The following CLCN4 variants were observed in gnomAD, a reference collection of about 807,000 sequenced individuals.
CLCN4 encodes H(+)/Cl(-) exchange transporter 4.
In CLCN4, 1 loss-of-function variant was observed where a neutral mutation model predicts 41.7. The observed-to-expected ratio is 0.02, with a 90% CI of 0.01 to 0.11. The LOEUF is 0.11. Among genes scored for constraint, CLCN4 ranks in the 10% least tolerant of loss-of-function variants. The pLI, the probability that CLCN4 is intolerant of heterozygous loss-of-function variation, is 1.00. For missense variants in CLCN4, 287 were observed against 661.0 expected (o/e 0.43, Z 6.20); for synonymous variants, 277 against 285.8 (o/e 0.97, Z 0.31).
chrX:10,206,442 G>T lies in CLCN4; in HGVS notation c.640G>T (p.Val214Leu), dbSNP rs780585105. The stretch of plus-strand genomic sequence containing the variant: ...AATCAAGACAGTCACGCTGGTGCTG[G>T]TAGTGTCCTCCGGTCTGAGCCTTGG... ...LLIKTVTLVLVVSSGLSLGKE... is the reference protein window; with the variant it reads ...LLIKTVTLVLLVSSGLSLGKE... Residue 214 changes from valine (V) to leucine (L), a missense_variant, in exon 7 of 13, where the codon GTA becomes TTA. Physicochemically the swap from Val to Leu is conservative, Grantham distance 32. This residue lies in a region of CLCN4 where 90 missense variants were observed against 209.8 expected (regional missense o/e 0.43). Transcript: ENST00000380833. The T allele has an allele frequency of 8.3e-7, 1 of 1,210,446 alleles. No homozygotes were observed. The highest frequency in any genetic ancestry group is 1.1e-6 in the Non-Finnish European group (1 of 894,822).
chrX:10,214,820 C>A (rs760923398), intron 11 of CLCN4, among the ~76,000 whole-genome samples: 7 of 111,411 alleles, frequency 6.3e-5, no homozygotes, highest in Admixed American at 5.7e-4. Context: ...CCCCATCAGC[C>A]GAGGGATGGC....
At chrX:10,163,169 T>A (rs1923151396) in intron 2 of CLCN4, among the ~76,000 whole-genome samples, 1 of 112,810 alleles carries the variant, frequency 8.9e-6, no homozygotes, top group Admixed American at 9.3e-5. Context: ...CTTACCTGCC[T>A]CCTCTCCACC....
intron 3 of CLCN4, among the ~76,000 whole-genome samples, chrX:10,186,130 G>A (rs756790216): frequency 1.8e-5 from 2 of 111,226 alleles, no homozygotes; most frequent in Non-Finnish European, 3.8e-5. Context: ...GGAAGCAAGG[G>A]GGGACTGGCA....
At chrX:10,179,818 A>G (rs769397662) in intron 2 of CLCN4, among the ~76,000 whole-genome samples, 3 of 112,589 alleles carry the variant, frequency 2.7e-5, no homozygotes, top group Non-Finnish European at 5.6e-5. Context: ...TCTTCACAGC[A>G]CCCTGAGGCA....
intron 12 of CLCN4, among the ~76,000 whole-genome samples, chrX:10,232,316 C>T (rs1234363170): frequency 8.9e-6 from 1 of 112,471 alleles, no homozygotes; most frequent in African/African-American, 3.2e-5. Context: ...ATACTTACAT[C>T]CCTTCTTCAT....
chrX:10,215,447 C>T (rs974167942), intron 11 of CLCN4, among the ~76,000 whole-genome samples: 2 of 111,899 alleles, frequency 1.8e-5, no homozygotes, highest in Non-Finnish European at 1.9e-5. Context: ...CAAGTTTGTG[C>T]TTAAGTGTTC....
At chrX:10,173,666 C>T (rs980594541) in intron 2 of CLCN4, among the ~76,000 whole-genome samples, 4 of 112,220 alleles carry the variant, frequency 3.6e-5, no homozygotes, top group Non-Finnish European at 7.5e-5. Flanking sequence ...CAAAGTGCCT[C>T]TGCGGGGGCG....
intron 6 of CLCN4, among the ~76,000 whole-genome samples, chrX:10,201,469 T>C (rs1411605825): frequency 8.9e-6 from 1 of 111,801 alleles, no homozygotes; most frequent in Non-Finnish European, 1.9e-5. Context: ...TCCCAGTTCT[T>C]GGAGGAGAGG....
chrX:10,169,118 T>C (rs1923319067), intron 2 of CLCN4, among the ~76,000 whole-genome samples: 1 of 111,725 alleles, frequency 9.0e-6, no homozygotes, highest in South Asian at 3.8e-4. Context: ...GAGCTTCTTC[T>C]ATCTATAGGA....
At position 10,206,344 on chromosome X, in the gene CLCN4, A is replaced by G. The variant is rs1205575409; in HGVS notation, c.556-14A>G. ...AGGAGTTCATTCCCTCTTGTTCTCCATCCTCTGTTTCAGATAAAGACCATT... is the reference window on the plus strand; with the variant it reads ...AGGAGTTCATTCCCTCTTGTTCTCCGTCCTCTGTTTCAGATAAAGACCATT... On this transcript the variant is annotated splice_polypyrimidine_tract_variant and intron_variant, in intron 6 of 12. Transcript: ENST00000380833. 5.9e-6 allele frequency: 7 copies of G among 1,180,815 alleles called. No homozygotes were observed. Among genetic ancestry groups the G allele is most frequent in the Non-Finnish European group, 8.1e-6 (7 of 868,968 alleles).
intron 6 of CLCN4, among the ~76,000 whole-genome samples, chrX:10,205,440 T>C (rs1295898251): frequency 3.4e-5 from 3 of 87,485 alleles, no homozygotes; most frequent in African/African-American, 1.4e-4. Context: ...ACCACTGCAC[T>C]CCAGCCTGGG....
At chrX:10,185,230 CAA>C in intron 3 of CLCN4, 54 bp downstream of exon 3, 3 of 1,141,439 alleles carry the variant, frequency 2.6e-6, no homozygotes, top group Non-Finnish European at 3.5e-6. Flanking sequence ...TGTTTTCATT[CAA>C]AAGTTACTGA....
At chrX:10,220,368 G>A (rs939448651) in intron 11 of CLCN4, among the ~76,000 whole-genome samples, 8 of 111,773 alleles carry the variant, frequency 7.2e-5, no homozygotes, top group African/African-American at 1.6e-4. Context: ...TGGGGTGCCC[G>A]GAGTCTGCGG....
intron 2 of CLCN4, among the ~76,000 whole-genome samples, chrX:10,161,123 TG>T (rs1294339174): frequency 1.8e-5 from 1 of 56,329 alleles, no homozygotes; most frequent in Non-Finnish European, 3.0e-5. Flanking sequence ...GCCATCAGCT[TG>T]CTCTCTCTCT....
chrX:10,216,897 G>GTATATATATATATATATATATATATA (rs1555977625), intron 11 of CLCN4, among the ~76,000 whole-genome samples: 287 of 20,652 alleles, frequency 0.014, 51 homozygotes, highest in Non-Finnish European at 0.022. Flanking sequence ...GTGTGTGTGT[G>GTATATATATATATATATATATATATA]TATATATATA....
chrX:10,198,482 G>A (rs1247136342), intron 6 of CLCN4, among the ~76,000 whole-genome samples: 1 of 112,540 alleles, frequency 8.9e-6, no homozygotes, highest in East Asian at 2.8e-4. Context: ...TGTGAGAGAC[G>A]ATAGTGGAGG....
intron 2 of CLCN4, 68 bp downstream of exon 2, chrX:10,158,619 C>T (rs1409301486): frequency 3.8e-6 from 1 of 264,542 alleles, no homozygotes; most frequent in Non-Finnish European, 6.7e-6. Flanking sequence ...GCAGGTGGAG[C>T]CCGGCCCGCG....
chrX:10,223,491 A>G (rs1258081990), intron 12 of CLCN4, among the ~76,000 whole-genome samples: 1 of 111,765 alleles, frequency 8.9e-6, no homozygotes, highest in Non-Finnish European at 1.9e-5. Context: ...CTGGCAAGGG[A>G]TGCTTGTCTG....
At chrX:10,181,015 G>T (rs1310730883) in intron 2 of CLCN4, among the ~76,000 whole-genome samples, 1 of 109,778 alleles carries the variant, frequency 9.1e-6, no homozygotes, top group Non-Finnish European at 1.9e-5. Flanking sequence ...AAGACCCTGG[G>T]TGAGGATGGT....
Sources: allele counts gnomAD v4.1 joint callset (sites outside exome capture counted in the v4.1 genomes callset), GRCh38; gene constraint gnomAD v4.1.1; regional missense constraint gnomAD v4.1.1; transcripts MANE v1.5; gene names NCBI Gene and HGNC (gene_info 2026-07-23, HGNC 2026-07-21).